Variants in NPHP4 observed in about 807,000 individuals in gnomAD.
NPHP4 encodes the protein nephrocystin-4.
Under a neutral mutation model 155.8 loss-of-function variants are expected in NPHP4, and 151 were observed. The observed-to-expected ratio is 0.97, with a 90% CI of 0.85 to 1.11. The LOEUF (loss-of-function observed/expected upper bound fraction) is 1.11. Ranked by LOEUF, NPHP4 falls within the 50% of genes least tolerant of loss-of-function variation. NPHP4 has a pLI of 0.00. For synonymous variants in NPHP4, 845 were observed against 816.8 expected (o/e 1.03, Z -0.59); for missense variants, 1,956 against 1,925.7 (o/e 1.02, Z -0.29).
In NPHP4 at chr1:5,889,514, C is replaced by T. The variant is rs1644003203; in HGVS notation, c.2304+1354G>A. 6.6e-6 allele frequency among the ~76,000 whole-genome samples: 1 copy of T among 151,920 alleles called. No individual in the cohort carries two copies. Among genetic ancestry groups the T allele is most frequent in the African/African-American group, 2.4e-5 (1 of 41,332 alleles). ...TCAAATGGCTTCCGTCTCCAGGTGG[C>T]ACAGCAAAGAGGGGGCACAAGGCTC... On this transcript the variant is annotated intron_variant, in intron 17 of 29. Coordinates refer to ENST00000378156, the MANE Select transcript of NPHP4 (RefSeq NM_015102.5). The surrounding 1 kb of genome is among the most constrained non-coding windows in gnomAD (Gnocchi z 4.2).
intron 17 of NPHP4, chr1:5,888,379 A>G: frequency 1.8e-6 from 2 of 1,094,876 alleles, no homozygotes; most frequent in South Asian, 4.3e-5. Flanking sequence ...GCAGTGTGGG[A>G]GCAGATGAGG....
At chr1:5,866,238 T>C (rs1229801680) in intron 26 of NPHP4, 135 bp downstream of exon 26, 5 of 719,154 alleles carry the variant, frequency 7.0e-6, no homozygotes, top group Non-Finnish European at 1.3e-5. Flanking sequence ...GAATCCCGCC[T>C]CACAAAGCGA....
Position 5,909,138 on chromosome 1 carries a change from G to A in NPHP4, c.1503+14C>T, listed in dbSNP as rs766680620. ...CTGGAATTCTGAAGGAGGCCGTGGG[G>A]GGCCTGGACTTACCCCTGGTCCCAC... On this transcript the variant is annotated intron_variant, in intron 12 of 29. Transcript: ENST00000378156. 2.0e-5 allele frequency: 31 copies of A among 1,586,534 alleles called. No individual in the cohort carries two copies. The highest frequency in any genetic ancestry group is 2.5e-5 in the Non-Finnish European group (29 of 1,164,788).
intron 2 of NPHP4, among the ~76,000 whole-genome samples, chr1:5,980,193 G>T (rs1231284375): frequency 6.6e-6 from 1 of 152,118 alleles, no homozygotes; most frequent in Non-Finnish European, 1.5e-5. Context: ...CCACCCTCCT[G>T]CCTCCTGACC....
intron 8 of NPHP4, 91 bp downstream of exon 8, chr1:5,947,979 G>A (rs1033445567): frequency 1.5e-5 from 15 of 974,340 alleles, no homozygotes; most frequent in South Asian, 4.1e-5. Context: ...TCCCACGTGG[G>A]TGAGTCAACA....
chr1:5,920,664 T>C (rs541316309), intron 11 of NPHP4, among the ~76,000 whole-genome samples: 7 of 152,332 alleles, frequency 4.6e-5, no homozygotes, highest in African/African-American at 1.7e-4. Context: ...CCTTTGCCCA[T>C]TTTTCTTTTC....
intron 2 of NPHP4, among the ~76,000 whole-genome samples, chr1:5,983,342 C>G (rs953280885): frequency 6.6e-6 from 1 of 152,294 alleles, no homozygotes; most frequent in African/African-American, 2.4e-5. Flanking sequence ...ACTTAGATTT[C>G]AAGAGAGTTC....
intron 17 of NPHP4, 109 bp from the exon 18 acceptor site, chr1:5,887,575 G>A (rs775241587): frequency 2.3e-4 from 282 of 1,201,652 alleles, no homozygotes; most frequent in Non-Finnish European, 3.0e-4. Context: ...CACTGTGGGC[G>A]GGAGGGGGTG....
rs200702924 is a variant in NPHP4, at chr1:5,874,656, C to T, written c.3046G>A (p.Val1016Ile). ...CTCCACTCCTGACTGTCCACGATGACGCTGGGGGAGGCAGTGTCCAGGCGT... is the reference window on the plus strand; with the variant it reads ...CTCCACTCCTGACTGTCCACGATGATGCTGGGGGAGGCAGTGTCCAGGCGT... ...TVEIDNPELS[V>I]IVDSQEWRDF... Residue 1016 changes from valine (V) to isoleucine (I), a missense_variant and splice_region_variant, in exon 22 of 30, where the codon GTC becomes ATC. Coordinates refer to ENST00000378156, the MANE Select transcript of NPHP4 (RefSeq NM_015102.5). 160 of 1,611,212 alleles carry T rather than the reference C, an allele frequency of 9.9e-5. No homozygotes were observed. Among genetic ancestry groups the T allele is most frequent in the Admixed American group, 8.0e-4 (48 of 59,868 alleles).
intron 11 of NPHP4, among the ~76,000 whole-genome samples, chr1:5,911,063 T>G (rs1461306804): frequency 1.3e-5 from 2 of 152,220 alleles, no homozygotes; most frequent in African/African-American, 4.8e-5. Flanking sequence ...AACCTGCCCT[T>G]CTATAAATGA....
chr1:5,919,425 C>A (rs1178794144), intron 11 of NPHP4, among the ~76,000 whole-genome samples: 2 of 152,162 alleles, frequency 1.3e-5, no homozygotes, highest in East Asian at 3.9e-4. Flanking sequence ...GCAGATGGCA[C>A]GTGATTCTTC....
chr1:5,942,721 A>C (rs567326601), intron 9 of NPHP4, among the ~76,000 whole-genome samples: 1 of 152,264 alleles, frequency 6.6e-6, no homozygotes, highest in African/African-American at 2.4e-5. Context: ...CACATGGATC[A>C]GTTCAACAGA....
chr1:5,947,574 A>G (rs1202105087), intron 8 of NPHP4, among the ~76,000 whole-genome samples: 1 of 152,222 alleles, frequency 6.6e-6, no homozygotes, highest in Non-Finnish European at 1.5e-5. Context: ...TTACCAGGAA[A>G]TGCCACAGAG....
Position 5,867,873 on chromosome 1 carries a change from G to C in NPHP4, c.3339C>G (p.Gly1113=). 2.5e-6 allele frequency: 4 copies of C among 1,613,056 alleles called. No homozygotes were observed. Among genetic ancestry groups the C allele is most frequent in the Non-Finnish European group, 3.4e-6 (4 of 1,179,804 alleles). Residue 1113 remains glycine (G), a synonymous_variant, in exon 24 of 30, where the codon GGC becomes GGG. Coordinates refer to ENST00000378156, the MANE Select transcript of NPHP4 (RefSeq NM_015102.5). The surrounding 1 kb of genome is among the most constrained non-coding windows in gnomAD (Gnocchi z 4.1). The stretch of plus-strand genomic sequence containing the variant: ...TCAGGCAGAGCACGGCGATGGGCTT[G>C]CCACCACTCGCTCGGAACAAGACCT... ...HAKVLFRASG[G]KPIAVLCLTV... is the part of the protein sequence containing the mutation.
intron 6 of NPHP4, among the ~76,000 whole-genome samples, chr1:5,954,193 A>G (rs1428926238): frequency 6.6e-6 from 1 of 152,232 alleles, no homozygotes; most frequent in Non-Finnish European, 1.5e-5. Flanking sequence ...TTGAAACTTT[A>G]TTATAATAGA....
At chr1:5,969,856 G>A (rs1187758574) in intron 3 of NPHP4, among the ~76,000 whole-genome samples, 2 of 152,142 alleles carry the variant, frequency 1.3e-5, no homozygotes, top group Non-Finnish European at 2.9e-5. Context: ...AATTTCTTTA[G>A]GTGCTAAGTA....
At chr1:5,909,017 C>T (rs938033921) in intron 12 of NPHP4, 135 bp downstream of exon 12, 10 of 758,374 alleles carry the variant, frequency 1.3e-5, no homozygotes, top group South Asian at 2.9e-5. Context: ...GGGACAGCCC[C>T]GCCGCCGCCA....
In NPHP4 at chr1:5,877,269, C is replaced by T. The variant is rs1261668509; in HGVS notation, c.2641G>A (p.Ala881Thr). ...RKHVVQAQKLADVDSELAAML... is the reference protein window; with the variant it reads ...RKHVVQAQKLTDVDSELAAML... Reference sequence around the variant, plus strand: ...GCAGCCAGCTCACTGTCCACGTCCGCCAGCTTCTGTGCTTGCACCACGTGT... The same window carrying T: ...GCAGCCAGCTCACTGTCCACGTCCGTCAGCTTCTGTGCTTGCACCACGTGT... Residue 881 changes from alanine (A) to threonine (T), a missense_variant, in exon 20 of 30, where the codon GCG becomes ACG. Coordinates refer to ENST00000378156, the MANE Select transcript of NPHP4 (RefSeq NM_015102.5). 1 of 1,602,718 alleles carries T rather than the reference C, an allele frequency of 6.2e-7. No homozygotes were observed.
intron 16 of NPHP4, among the ~76,000 whole-genome samples, chr1:5,903,547 T>A (rs987610203): frequency 6.6e-6 from 1 of 152,076 alleles, no homozygotes; most frequent in Non-Finnish European, 1.5e-5. Flanking sequence ...AATATCAACA[T>A]GTCAGGTGTG....
Sources: allele counts gnomAD v4.1 joint callset (sites outside exome capture counted in the v4.1 genomes callset), GRCh38; gene constraint gnomAD v4.1.1; non-coding constraint Gnocchi (gnomAD v3.1); transcripts MANE v1.5; gene names NCBI Gene and HGNC (gene_info 2026-07-23, HGNC 2026-07-21).